PLPPR5: variants seen among roughly 807,000 people sequenced by gnomAD.
PLPPR5 encodes the protein phospholipid phosphatase-related protein type 5.
A neutral mutation model predicts 33.9 loss-of-function variants in PLPPR5; 16 were observed. That is an observed-to-expected ratio of 0.47 (90% CI 0.32 to 0.72). The LOEUF is 0.72. Ranked by LOEUF, PLPPR5 falls within the 30% of genes least tolerant of loss-of-function variation. The pLI is 0.03. For missense variants in PLPPR5, 301 were observed against 406.7 expected, an observed-to-expected ratio of 0.74 and a Z score of 2.23; for synonymous variants, 163 against 150.3, an observed-to-expected ratio of 1.08 and a Z score of -0.62.
At chr1:98,916,114 T>C (rs374469841) in intron 4 of PLPPR5, among the ~76,000 whole-genome samples, 4 of 152,274 alleles carry the variant, frequency 2.6e-5, no homozygotes, top group African/African-American at 9.6e-5. Flanking sequence ...TTACTGAATA[T>C]CTTCAAAGGC....
intron 1 of PLPPR5, among the ~76,000 whole-genome samples, chr1:98,960,781 C>T (rs186793715): frequency 4.0e-4 from 61 of 152,262 alleles, no homozygotes; most frequent in African/African-American, 1.4e-3. Flanking sequence ...CAATGAAACA[C>T]ATCACTCAAA....
At chr1:98,915,224 A>G (rs1649300931) in intron 4 of PLPPR5, among the ~76,000 whole-genome samples, 1 of 152,202 alleles carries the variant, frequency 6.6e-6, no homozygotes, top group Non-Finnish European at 1.5e-5. Flanking sequence ...TCAATGCTCA[A>G]ATCAATCATA....
chr1:98,996,717 T>A (rs1431873283), intron 1 of PLPPR5, among the ~76,000 whole-genome samples: 1 of 152,176 alleles, frequency 6.6e-6, no homozygotes, highest in Admixed American at 6.6e-5. Flanking sequence ...TTAGTTCTAC[T>A]GGCTATTCCA....
chr1:98,934,439 A>G (rs983480774), intron 3 of PLPPR5, among the ~76,000 whole-genome samples: 1 of 152,236 alleles, frequency 6.6e-6, no homozygotes. Context: ...TTGAGGCTTC[A>G]TGAGAAAGAA....
At chr1:98,893,206 G>T in intron 5 of PLPPR5, 102 bp from the exon 6 acceptor site, 1 of 1,058,186 alleles carries the variant, frequency 9.5e-7, no homozygotes, top group Non-Finnish European at 1.3e-6. Context: ...TATGCTGAAT[G>T]TTGAAGTTGC....
intron 3 of PLPPR5, among the ~76,000 whole-genome samples, chr1:98,945,945 A>G (rs1266455855): frequency 1.3e-5 from 2 of 152,288 alleles, no homozygotes; most frequent in East Asian, 3.9e-4. Context: ...TAGCAGCTCC[A>G]ATCTGTACTC....
chr1:98,922,125 G>T (rs1020733270), intron 3 of PLPPR5, 67 bp from the exon 4 acceptor site: 11 of 1,404,022 alleles, frequency 7.8e-6, no homozygotes, highest in Non-Finnish European at 5.0e-6. Flanking sequence ...AGCATATTAT[G>T]TGTATGTACA....
At chr1:98,979,211 G>C (rs1240898936) in intron 1 of PLPPR5, among the ~76,000 whole-genome samples, 1 of 152,014 alleles carries the variant, frequency 6.6e-6, no homozygotes, top group Non-Finnish European at 1.5e-5. Flanking sequence ...GAGGTCAGAA[G>C]AGCCCTTCTA....
intron 1 of PLPPR5, among the ~76,000 whole-genome samples, chr1:99,002,407 G>GT (rs1652882566): frequency 6.6e-6 from 1 of 152,188 alleles, no homozygotes; most frequent in Admixed American, 6.5e-5. Context: ...TGGAAGCAAT[G>GT]TAAGTCGCAT....
chr1:98,984,220 C>T (rs926306462), intron 1 of PLPPR5, among the ~76,000 whole-genome samples: 6 of 152,028 alleles, frequency 3.9e-5, no homozygotes, highest in Non-Finnish European at 5.9e-5. Context: ...TGCCCGCCAG[C>T]ATCAAGAGAG....
chr1:98,986,436 T>C (rs548712636), intron 1 of PLPPR5, among the ~76,000 whole-genome samples: 1 of 151,824 alleles, frequency 6.6e-6, no homozygotes, highest in Non-Finnish European at 1.5e-5. Flanking sequence ...AAAATTCTAA[T>C]TAACATATGG....
chr1:98,903,606 G>A (rs1176545218), intron 5 of PLPPR5, among the ~76,000 whole-genome samples: 1 of 151,882 alleles, frequency 6.6e-6, no homozygotes, highest in Non-Finnish European at 1.5e-5. Flanking sequence ...AATCCATGAA[G>A]TCTTTGTATG....
intron 5 of PLPPR5, among the ~76,000 whole-genome samples, chr1:98,893,383 G>C (rs949372524): frequency 2.6e-5 from 4 of 152,024 alleles, no homozygotes; most frequent in African/African-American, 4.8e-5. Context: ...GGCAATGCCA[G>C]ACACGTTAAT....
chr1:98,951,778 T>C (rs1650793558), intron 3 of PLPPR5, among the ~76,000 whole-genome samples: 1 of 152,192 alleles, frequency 6.6e-6, no homozygotes, highest in African/African-American at 2.4e-5. Flanking sequence ...CATGATTGTA[T>C]TGAAAACATT....
chr1:98,949,771 G>T (rs1650706427), intron 3 of PLPPR5, among the ~76,000 whole-genome samples: 4 of 152,132 alleles, frequency 2.6e-5, no homozygotes. Flanking sequence ...TGCAGCAGGA[G>T]TTATATTCAG....
chr1:98,953,392 TGTGA>T (rs1650872024), intron 2 of PLPPR5, 72 bp from the exon 3 acceptor site: 1 of 1,379,278 alleles, frequency 7.3e-7, no homozygotes, highest in African/African-American at 1.5e-5. Context: ...TGTGTGTGTG[TGTGA>T]ATTTCAGTTT....
chr1:98,912,755 T>A (rs1294336759), intron 5 of PLPPR5, among the ~76,000 whole-genome samples: 2 of 152,210 alleles, frequency 1.3e-5, no homozygotes, highest in Non-Finnish European at 2.9e-5. Context: ...AGGATCATGT[T>A]TAAAAATTGC....
chr1:98,969,726 C>CTCCTTCCTTCCTTCCT lies in PLPPR5; in HGVS notation c.238-13001_238-12986dup, dbSNP rs3077539. Among the ~76,000 whole-genome samples, 208 of 149,880 alleles carry CTCCTTCCTTCCTTCCT rather than the reference C, an allele frequency of 1.4e-3. 1 individual carries two copies. The highest frequency in any genetic ancestry group is 2.4e-3 in the African/African-American group (96 of 40,156). ...CAAACAGTAAATTCTACCTCTTTTT[C>CTCCTTCCTTCCTTCCT]TCCTTCCTTCCTTCCTTTCTTTCTT... is the stretch of plus-strand genomic sequence containing the variant. On this transcript the variant is annotated intron_variant, in intron 1 of 5. Coordinates refer to ENST00000263177, the MANE Select transcript of PLPPR5 (RefSeq NM_001037317.2).
At chr1:98,974,594 G>A (rs1334061026) in intron 1 of PLPPR5, among the ~76,000 whole-genome samples, 1 of 151,942 alleles carries the variant, frequency 6.6e-6, no homozygotes, top group Non-Finnish European at 1.5e-5. Context: ...GAAGTCATAG[G>A]TGCTTAAATA....
Sources: gnomAD v4.1 joint callset for allele counts (sites outside exome capture counted in the v4.1 genomes callset) on GRCh38, gnomAD v4.1.1 for gene constraint, MANE v1.5 for transcripts, NCBI Gene and HGNC (gene_info 2026-07-23, HGNC 2026-07-21) for gene names.